Variants in ADGRL3 observed in about 807,000 individuals in gnomAD.
The protein encoded by ADGRL3 is adhesion G protein-coupled receptor L3, also known as calcium-independent alpha-latrotoxin receptor 3.
Under a neutral mutation model 153.5 loss-of-function variants are expected in ADGRL3, and 62 were observed. That is an observed-to-expected ratio of 0.40 (90% confidence interval 0.33 to 0.50). The LOEUF is 0.50. Among genes scored for constraint, ADGRL3 ranks in the 20% least tolerant of loss-of-function variants. The probability of loss-of-function intolerance (pLI) is 0.47; values close to 1 mark genes in which losing one functional copy is unlikely to be tolerated. For synonymous variants in ADGRL3, 710 were observed against 672.5 expected (o/e 1.06, Z -0.86); for missense variants, 1,641 against 1,859.4 (o/e 0.88, Z 2.16).
intron 24 of ADGRL3, among the ~76,000 whole-genome samples, chr4:62,038,391 C>T (rs1291832038): frequency 2.0e-5 from 3 of 152,050 alleles, no homozygotes; most frequent in Non-Finnish European, 4.4e-5. Context: ...CTCCCATTCG[C>T]CCAGCACTAG....
Position 61,749,444 on chromosome 4 carries a change from A to T in ADGRL3, c.1399+15890A>T, listed in dbSNP as rs190177587. On this transcript the variant is annotated intron_variant, in intron 8 of 26. Coordinates refer to ENST00000683033, the MANE Select transcript of ADGRL3 (RefSeq NM_001387552.1). ...ATTGTGGCACTATGCACAATAGCAA[A>T]GACTTGGAACCAACCAAATATCCAA... Among the ~76,000 whole-genome samples the T allele has an allele frequency of 3.9e-5, 6 of 152,072 alleles. No individual in the cohort carries two copies. In the East Asian group the frequency reaches 1.2e-3, roughly 30 times the overall value.
At chr4:61,774,712 A>C (rs1049677830) in intron 8 of ADGRL3, among the ~76,000 whole-genome samples, 2 of 152,110 alleles carry the variant, frequency 1.3e-5, no homozygotes, top group Non-Finnish European at 2.9e-5. Flanking sequence ...TTTGTATTGC[A>C]GTATATTGTT....
intron 9 of ADGRL3, among the ~76,000 whole-genome samples, chr4:61,862,474 A>G (rs940956031): frequency 1.3e-5 from 2 of 152,050 alleles, no homozygotes; most frequent in Non-Finnish European, 1.5e-5. Context: ...AGAGAAGGAG[A>G]TGGGACCGGG....
chr4:61,285,572 C>G (rs1477652353), intron 1 of ADGRL3, among the ~76,000 whole-genome samples: 1 of 151,664 alleles, frequency 6.6e-6, no homozygotes, highest in Non-Finnish European at 1.5e-5. Context: ...TAAAATACGG[C>G]GATTCAAGAC....
intron 4 of ADGRL3, among the ~76,000 whole-genome samples, chr4:61,529,262 C>T (rs568567544): frequency 6.6e-6 from 1 of 152,178 alleles, no homozygotes; most frequent in Non-Finnish European, 1.5e-5. Context: ...TCCCAAGCTA[C>T]TTGTCTATCC....
intron 5 of ADGRL3, among the ~76,000 whole-genome samples, chr4:61,644,622 G>C (rs1263526310): frequency 6.6e-6 from 1 of 152,120 alleles, no homozygotes; most frequent in Non-Finnish European, 1.5e-5. Context: ...ATCCTGAGTT[G>C]TAGTTTGATT....
At chr4:61,904,643 T>A (rs2098686780) in intron 11 of ADGRL3, among the ~76,000 whole-genome samples, 1 of 150,050 alleles carries the variant, frequency 6.7e-6, no homozygotes, top group Non-Finnish European at 1.5e-5. Flanking sequence ...AATACAATAA[T>A]TAATATTGAA....
intron 5 of ADGRL3, among the ~76,000 whole-genome samples, chr4:61,660,061 C>A (rs987140721): frequency 6.6e-6 from 1 of 152,134 alleles, no homozygotes; most frequent in Non-Finnish European, 1.5e-5. Context: ...CACACCTTAA[C>A]CAAATGCCAA....
chr4:61,272,696 A>G (rs567845325), intron 1 of ADGRL3, among the ~76,000 whole-genome samples: 42 of 152,260 alleles, frequency 2.8e-4, no homozygotes, highest in African/African-American at 9.6e-4. Flanking sequence ...TAGAATGAAA[A>G]GTAGCTTTTG....
intron 9 of ADGRL3, among the ~76,000 whole-genome samples, chr4:61,880,165 A>G (rs1320817596): frequency 6.6e-6 from 1 of 152,188 alleles, no homozygotes; most frequent in Admixed American, 6.5e-5. Flanking sequence ...TCTTAGAGAT[A>G]AACATCCAGA....
At chr4:61,606,782 G>T (rs2099034053) in intron 5 of ADGRL3, among the ~76,000 whole-genome samples, 1 of 152,086 alleles carries the variant, frequency 6.6e-6, no homozygotes, top group African/African-American at 2.4e-5. Flanking sequence ...CATTAGGAGA[G>T]TCCCTGTCTT....
At chr4:61,456,667 A>G (rs1397971510) in intron 2 of ADGRL3, among the ~76,000 whole-genome samples, 2 of 151,414 alleles carry the variant, frequency 1.3e-5, no homozygotes, top group Non-Finnish European at 2.9e-5. Flanking sequence ...GGATAAAACC[A>G]TGGGCGACCA....
At chr4:61,580,419 A>G (rs1453815208) in intron 4 of ADGRL3, among the ~76,000 whole-genome samples, 1 of 152,112 alleles carries the variant, frequency 6.6e-6, no homozygotes, top group Non-Finnish European at 1.5e-5. Flanking sequence ...TTGTACGATC[A>G]TTCATAATAT....
rs540517677 is a variant in ADGRL3 at position 61,786,385 on chromosome 4, T to C, written c.1400-27424T>C. 8.5e-4 allele frequency among the ~76,000 whole-genome samples: 129 copies of C among 152,304 alleles called. 1 individual carries two copies. The highest frequency in any genetic ancestry group is 3.4e-3 in the Middle Eastern group (1 of 294). On this transcript the variant is annotated intron_variant, in intron 8 of 26. Transcript: ENST00000683033. Reference sequence around the variant, plus strand: ...TGGCAAGCACTGTGAGGATGTAACATATGACTCTTGCCAAAAATGAACACC... The same window carrying C: ...TGGCAAGCACTGTGAGGATGTAACACATGACTCTTGCCAAAAATGAACACC...
intron 8 of ADGRL3, among the ~76,000 whole-genome samples, chr4:61,808,833 T>C (rs2148546407): frequency 6.6e-6 from 1 of 151,812 alleles, no homozygotes; most frequent in Middle Eastern, 3.4e-3. Context: ...TTTCATAGTA[T>C]TTTAAAAACT....
intron 25 of ADGRL3, among the ~76,000 whole-genome samples, chr4:62,048,096 T>A (rs17082532): frequency 0.014 from 2,126 of 152,258 alleles, 58 homozygotes; most frequent in African/African-American, 0.049. Flanking sequence ...CTCCCAGGGC[T>A]GTTGGAAATC....
chr4:61,260,596 GA>G (rs955258841), intron 1 of ADGRL3, among the ~76,000 whole-genome samples: 41 of 152,286 alleles, frequency 2.7e-4, no homozygotes, highest in African/African-American at 9.6e-4. Context: ...GATAATAAAT[GA>G]AAAGTGCCTA....
chr4:61,406,424 T>A (rs7670645), intron 2 of ADGRL3, among the ~76,000 whole-genome samples: 4,700 of 151,888 alleles, frequency 0.031, 227 homozygotes, highest in East Asian at 0.21. Flanking sequence ...ATACATTTTA[T>A]AGATGCTATA....
At chr4:61,568,695 C>T (rs555235780) in intron 4 of ADGRL3, among the ~76,000 whole-genome samples, 1 of 152,168 alleles carries the variant, frequency 6.6e-6, no homozygotes, top group South Asian at 2.1e-4. Flanking sequence ...TTTCAGTCTT[C>T]ATCCTCATTG....
Sources: allele counts gnomAD v4.1 joint callset (sites outside exome capture counted in the v4.1 genomes callset), GRCh38; gene constraint gnomAD v4.1.1; transcripts MANE v1.5; gene names NCBI Gene and HGNC (gene_info 2026-07-23, HGNC 2026-07-21).